SLC1A2: variants seen among roughly 807,000 people sequenced by gnomAD.
The protein encoded by SLC1A2 is solute carrier family 1 member 2.
Under a neutral mutation model 48.8 loss-of-function variants are expected in SLC1A2, and 15 were observed. The ratio of observed to expected loss-of-function variants is 0.31; its 90% confidence interval spans 0.21 to 0.47. The LOEUF (loss-of-function observed/expected upper bound fraction) is 0.47. Among genes scored for constraint, SLC1A2 ranks in the 20% least tolerant of loss-of-function variants. SLC1A2 has a pLI of 0.99. For missense variants in SLC1A2, 502 were observed against 730.5 expected (o/e 0.69, Z 3.61); for synonymous variants, 279 against 272.6 (o/e 1.02, Z -0.23).
chr11:35,368,544 TA>T (rs1392824596), intron 1 of SLC1A2, among the ~76,000 whole-genome samples: 1 of 152,220 alleles, frequency 6.6e-6, no homozygotes, highest in African/African-American at 2.4e-5. Context: ...ATAAAGAAAG[TA>T]AGGTCCAGTT....
intron 1 of SLC1A2, among the ~76,000 whole-genome samples, chr11:35,347,314 G>A (rs1446892042): frequency 1.3e-5 from 2 of 152,188 alleles, no homozygotes; most frequent in Non-Finnish European, 2.9e-5. Context: ...GAGTCTCCTA[G>A]TCTGCTCTGG....
Position 35,269,140 on chromosome 11 carries a change from C to T in SLC1A2, c.1422-3382G>A, listed in dbSNP as rs144114535. On this transcript the variant is annotated intron_variant, in intron 9 of 10. Transcript: ENST00000278379. ...TCAGAAAAGAGGCCCAATAGAGACT[C>T]CTTGGCCCTTCTACCATGTGAGGCA... Among the ~76,000 whole-genome samples the T allele has an allele frequency of 1.8e-3, 271 of 152,268 alleles. 7 individuals carry two copies. The East Asian group carries it at 0.04, about 22-fold the overall frequency.
intron 1 of SLC1A2, among the ~76,000 whole-genome samples, chr11:35,371,934 T>C (rs750287139): frequency 2.0e-5 from 3 of 152,122 alleles, no homozygotes; most frequent in Non-Finnish European, 4.4e-5. Context: ...GAAAAGCAAA[T>C]GCAAAACAAA....
chr11:35,306,792 C>G (rs1851525919), intron 4 of SLC1A2, among the ~76,000 whole-genome samples: 1 of 152,232 alleles, frequency 6.6e-6, no homozygotes. Context: ...CAATATCTGT[C>G]TTTTTGTGCC....
intron 1 of SLC1A2, among the ~76,000 whole-genome samples, chr11:35,354,280 C>T (rs887250366): frequency 3.4e-4 from 51 of 151,740 alleles, no homozygotes; most frequent in South Asian, 2.1e-4. Context: ...AACAAGACCC[C>T]GTGTCTACAA....
At chr11:35,415,474 C>T (rs1855577937) in intron 1 of SLC1A2, among the ~76,000 whole-genome samples, 1 of 152,142 alleles carries the variant, frequency 6.6e-6, no homozygotes, top group South Asian at 2.1e-4. Flanking sequence ...ATGAAAATTC[C>T]AGCCAAGCCT....
intron 1 of SLC1A2, among the ~76,000 whole-genome samples, chr11:35,352,076 T>C (rs1014016273): frequency 2.0e-5 from 3 of 152,220 alleles, no homozygotes; most frequent in Non-Finnish European, 2.9e-5. Flanking sequence ...TCCAACTTTC[T>C]ACAGCAAAAA....
At chr11:35,375,194 G>T (rs180986928) in intron 1 of SLC1A2, among the ~76,000 whole-genome samples, 9 of 152,168 alleles carry the variant, frequency 5.9e-5, no homozygotes, top group African/African-American at 2.2e-4. Flanking sequence ...GCCCTGCAGA[G>T]AATAAAACCT....
At chr11:35,311,302 GGCATGCGCCACCACACCCGGCTAATTTTT>G (rs1851681487) in intron 4 of SLC1A2, among the ~76,000 whole-genome samples, 1 of 152,290 alleles carries the variant, frequency 6.6e-6, no homozygotes, top group South Asian at 2.1e-4. Context: ...TGGGATTACA[GGCATGCGCCACCACACCCGGCTAATTTTT>G]GCATTTTTAG....
At chr11:35,299,351 C>CTGTGTGTGTG (rs3046423) in intron 6 of SLC1A2, 5 of 93,416 alleles carry the variant, frequency 5.4e-5, no homozygotes, top group African/African-American at 1.6e-4. Context: ...CTCTCTCTCT[C>CTGTGTGTGTG]TCTGTGTGTG....
intron 8 of SLC1A2, chr11:35,285,800 G>T (rs1277079519): frequency 1.3e-5 from 2 of 152,174 alleles, no homozygotes; most frequent in Non-Finnish European, 2.9e-5. Flanking sequence ...TGGGCTGGGA[G>T]TCCATCCATG....
intron 1 of SLC1A2, among the ~76,000 whole-genome samples, chr11:35,329,938 C>A (rs1052049179): frequency 1.3e-5 from 2 of 152,204 alleles, no homozygotes; most frequent in Non-Finnish European, 2.9e-5. Context: ...CCACAACACT[C>A]TCACAAGATA....
intron 1 of SLC1A2, among the ~76,000 whole-genome samples, chr11:35,361,784 C>A (rs1853688818): frequency 6.6e-6 from 1 of 152,090 alleles, no homozygotes; most frequent in Non-Finnish European, 1.5e-5. Flanking sequence ...CAAGACCACC[C>A]TGGACAACAT....
chr11:35,261,844 C>T (rs971040783), intron 10 of SLC1A2: 3 of 397,338 alleles, frequency 7.6e-6, no homozygotes, highest in Non-Finnish European at 1.3e-5. Context: ...ATGCATGCAT[C>T]ATGACCACAT....
chr11:35,369,993 G>A (rs988591512), intron 1 of SLC1A2, among the ~76,000 whole-genome samples: 1 of 152,212 alleles, frequency 6.6e-6, no homozygotes, highest in Non-Finnish European at 1.5e-5. Context: ...TTGGGTGGGG[G>A]TGAAGAGGGA....
Position 35,257,152 on chromosome 11 carries a change from T to A in SLC1A2, c.*3742A>T, listed in dbSNP as rs1050665762. 2 of 152,140 alleles carry A rather than the reference T, an allele frequency of 1.3e-5. No individual in the cohort carries two copies. The highest frequency in any genetic ancestry group is 4.8e-5 in the African/African-American group (2 of 41,422). 9.4% of individuals were successfully genotyped at this position (152,140 alleles called of 1,614,324 possible). On this transcript the variant is annotated 3_prime_UTR_variant, in exon 11 of 11. Coordinates refer to ENST00000278379, the MANE Select transcript of SLC1A2 (RefSeq NM_004171.4). ...AAAGGGCTTCTTGACTAGATACATA[T>A]GCAAATGATGTATTTCTCCACACAC...
At position 35,312,099 on chromosome 11, in the gene SLC1A2, A is replaced by C. The variant is rs903676623; in HGVS notation, c.561+99T>G. Reference sequence around the variant, plus strand: ...TAGACAGAGATAATTATATATTTAGAAAATTTCTACCCAGAGTTGGTCTGT... The same window carrying C: ...TAGACAGAGATAATTATATATTTAGCAAATTTCTACCCAGAGTTGGTCTGT... On this transcript the variant is annotated intron_variant, in intron 4 of 10. Transcript: ENST00000278379. The C allele has an allele frequency of 2.5e-5, 31 of 1,248,802 alleles. No homozygotes were observed. In the African/African-American group the frequency reaches 4.2e-4, roughly 17 times the overall value. The allele number at this position is 1,248,802 out of a possible 1,614,324, so 77.4% of individuals were successfully genotyped here. A position where few individuals can be genotyped will look rare whatever the true frequency, so the allele number is the denominator to read the frequency against.
intron 1 of SLC1A2, among the ~76,000 whole-genome samples, chr11:35,340,781 T>G (rs1050946077): frequency 1.3e-5 from 2 of 152,208 alleles, no homozygotes; most frequent in African/African-American, 4.8e-5. Context: ...GAAAACTAAA[T>G]GAACTTTCTT....
intron 9 of SLC1A2, among the ~76,000 whole-genome samples, chr11:35,272,097 C>T (rs1850295146): frequency 6.6e-6 from 1 of 152,044 alleles, no homozygotes; most frequent in African/African-American, 2.4e-5. Context: ...AATATTTGAA[C>T]ATGTTTAAAT....
Sources: allele counts gnomAD v4.1 joint callset (sites outside exome capture counted in the v4.1 genomes callset), GRCh38; gene constraint gnomAD v4.1.1; transcripts MANE v1.5; gene names NCBI Gene and HGNC (gene_info 2026-07-23, HGNC 2026-07-21).